The following ZNF354B variants were observed in gnomAD, a reference collection of about 807,000 sequenced individuals.
ZNF354B encodes zinc finger protein 354B.
In ZNF354B, 10 loss-of-function variants were observed where a neutral mutation model predicts 12.9. The observed-to-expected ratio is 0.77, with a 90% CI of 0.48 to 1.31. The LOEUF (loss-of-function observed/expected upper bound fraction) is 1.31, where lower values mean the gene tolerates loss of function less well. Among genes scored for constraint, ZNF354B ranks in the 40% most tolerant of loss-of-function variants. The pLI is 0.00. For synonymous variants in ZNF354B, 260 were observed against 243.7 expected (o/e 1.07, Z -0.62); for missense variants, 614 against 711.7 (o/e 0.86, Z 1.56).
At chr5:178,869,540 GAA>G (rs1004790444) in intron 4 of ZNF354B, among the ~76,000 whole-genome samples, 1 of 152,178 alleles carries the variant, frequency 6.6e-6, no homozygotes, top group Non-Finnish European at 1.5e-5. Flanking sequence ...CAGGAAGAAA[GAA>G]AGAGTTGTTC....
At chr5:178,866,786 C>T (rs777511357) in intron 3 of ZNF354B, among the ~76,000 whole-genome samples, 190 bp from the exon 4 acceptor site, 11 of 152,088 alleles carry the variant, frequency 7.2e-5, no homozygotes, top group African/African-American at 1.9e-4. Flanking sequence ...GGGAATCATA[C>T]GATGTTTTCT....
intron 4 of ZNF354B, among the ~76,000 whole-genome samples, chr5:178,869,912 G>A (rs1000492876): frequency 6.6e-6 from 1 of 152,154 alleles, no homozygotes; most frequent in African/African-American, 2.4e-5. Context: ...GATTGCCCCA[G>A]GACAGCTTCC....
At chr5:178,864,703 A>G (rs1333137065) in intron 2 of ZNF354B, among the ~76,000 whole-genome samples, 1 of 151,802 alleles carries the variant, frequency 6.6e-6, no homozygotes, top group Non-Finnish European at 1.5e-5. Context: ...GCTCACTGCA[A>G]GTTCCGCCTC....
chr5:178,876,309 C>T (rs1364681019), intron 4 of ZNF354B, among the ~76,000 whole-genome samples: 2 of 152,206 alleles, frequency 1.3e-5, no homozygotes, highest in Non-Finnish European at 2.9e-5. Context: ...TTTTGTGAGG[C>T]AGCTGTGCAC....
At chr5:178,863,734 G>A (rs1377727518) in intron 2 of ZNF354B, among the ~76,000 whole-genome samples, 23 of 152,184 alleles carry the variant, frequency 1.5e-4, no homozygotes. Flanking sequence ...ACAGCTGCAT[G>A]TGTGTCATTG....
intron 2 of ZNF354B, among the ~76,000 whole-genome samples, chr5:178,864,426 T>C (rs1257271362): frequency 1.3e-5 from 2 of 152,126 alleles, no homozygotes; most frequent in South Asian, 2.1e-4. Flanking sequence ...GTTTCTCTCT[T>C]ATATTCCCAT....
At chr5:178,865,317 G>T (rs1757430046) in intron 2 of ZNF354B, among the ~76,000 whole-genome samples, 1 of 152,082 alleles carries the variant, frequency 6.6e-6, no homozygotes, top group Non-Finnish European at 1.5e-5. Context: ...TTCCAGGCTG[G>T]AGTGCAGTGG....
At chr5:178,864,548 C>G (rs1388145255) in intron 2 of ZNF354B, among the ~76,000 whole-genome samples, 1 of 152,160 alleles carries the variant, frequency 6.6e-6, no homozygotes, top group Non-Finnish European at 1.5e-5. Flanking sequence ...TAAAATCACC[C>G]TTAACCCCAC....
chr5:178,877,269 A>C (rs1358440486), intron 4 of ZNF354B, among the ~76,000 whole-genome samples: 1 of 152,210 alleles, frequency 6.6e-6, no homozygotes, highest in East Asian at 1.9e-4. Flanking sequence ...TTTTGGGTTT[A>C]AGCGATTCTT....
At chr5:178,862,657 C>T (rs888719775) in intron 2 of ZNF354B, among the ~76,000 whole-genome samples, 17 of 152,204 alleles carry the variant, frequency 1.1e-4, no homozygotes, top group Admixed American at 2.6e-4. Flanking sequence ...TGTGAGCCGC[C>T]GCGCCTGGCG....
chr5:178,871,812 G>A (rs760990891), intron 4 of ZNF354B, among the ~76,000 whole-genome samples: 2 of 152,152 alleles, frequency 1.3e-5, no homozygotes, highest in Non-Finnish European at 2.9e-5. Flanking sequence ...TGGGATGGCC[G>A]GTGTCATTCA....
Position 178,883,372 on chromosome 5 carries a change from T to G in ZNF354B, c.920T>G (p.Phe307Cys), listed in dbSNP as rs1757751489. 1 of 1,613,966 alleles carries G rather than the reference T, an allele frequency of 6.2e-7. No individual in the cohort carries two copies. Among genetic ancestry groups the G allele is most frequent in the Admixed American group, 1.7e-5 (1 of 60,000 alleles). Residue 307 changes from phenylalanine (F) to cysteine (C), a missense_variant, in exon 5 of 5, where the codon TTC (phenylalanine) becomes TGC (cysteine). Coordinates refer to ENST00000322434, the MANE Select transcript of ZNF354B (RefSeq NM_058230.3). ...CYRCKECGKS[F>C]SRRSGLFIHQ... is the part of the protein sequence containing the mutation. ...AGATGTAAAGAATGTGGTAAATCCT[T>G]CAGTCGAAGGTCTGGGCTTTTTATA...
chr5:178,870,759 A>T (rs1181077534), intron 4 of ZNF354B, among the ~76,000 whole-genome samples: 1 of 152,124 alleles, frequency 6.6e-6, no homozygotes, highest in Non-Finnish European at 1.5e-5. Flanking sequence ...CATGGCCTGG[A>T]ATGTTTTAAA....
At chr5:178,879,360 C>A (rs150853233) in intron 4 of ZNF354B, among the ~76,000 whole-genome samples, 99 of 149,600 alleles carry the variant, frequency 6.6e-4, no homozygotes, top group Admixed American at 1.5e-3. Flanking sequence ...GTGCTGATTT[C>A]TTTGCAGAAA....
In ZNF354B at chr5:178,866,910, C is replaced by G. The variant is rs1005497842; in HGVS notation, c.161-66C>G. On this transcript the variant is annotated intron_variant, in intron 3 of 4. Coordinates refer to ENST00000322434, the MANE Select transcript of ZNF354B (RefSeq NM_058230.3). ...GAAAAGCCACGGTTACCCTAATAATCAAGGGATACTTTGTTGTGTCAAAAC... is the reference window on the plus strand; with the variant it reads ...GAAAAGCCACGGTTACCCTAATAATGAAGGGATACTTTGTTGTGTCAAAAC... 6 of 1,493,454 alleles carry G rather than the reference C, an allele frequency of 4.0e-6. No individual in the cohort carries two copies. The African/African-American group carries it at 7.0e-5, about 17-fold the overall frequency. The allele number at this position is 1,493,454 out of a possible 1,614,324, so 92.5% of individuals were successfully genotyped here. A position where few individuals can be genotyped will look rare whatever the true frequency, so the allele number is the denominator to read the frequency against.
rs768014242 is a variant in ZNF354B at position 178,883,337 on chromosome 5, G to T, written c.885G>T (p.Glu295Asp). The change falls in exon 5 of 5, where the codon GAG becomes GAT. Residue 295 changes from glutamate (E) to aspartate (D), a missense_variant. Coordinates refer to ENST00000322434, the MANE Select transcript of ZNF354B (RefSeq NM_058230.3). ...AGCATTTAAGGACCCATACTGTGGAGAAATGCTATAGATGTAAAGAATGTG... is the reference window on the plus strand; with the variant it reads ...AGCATTTAAGGACCCATACTGTGGATAAATGCTATAGATGTAAAGAATGTG... Reference protein sequence around the residue: ...LCKHLRTHTVEKCYRCKECGK... With the variant: ...LCKHLRTHTVDKCYRCKECGK... 1 of 1,614,014 alleles carries T rather than the reference G, an allele frequency of 6.2e-7. No individual in the cohort carries two copies. Among genetic ancestry groups the T allele is most frequent in the African/African-American group, 1.3e-5 (1 of 75,006 alleles).
chr5:178,872,114 G>C (rs977708853), intron 4 of ZNF354B, among the ~76,000 whole-genome samples: 8 of 152,124 alleles, frequency 5.3e-5, no homozygotes, highest in African/African-American at 1.9e-4. Flanking sequence ...ACACACACCT[G>C]TTTCCCTCTT....
At chr5:178,869,125 T>C (rs1757515223) in intron 4 of ZNF354B, among the ~76,000 whole-genome samples, 1 of 152,192 alleles carries the variant, frequency 6.6e-6, no homozygotes, top group African/African-American at 2.4e-5. Flanking sequence ...GAGCCATAAG[T>C]AGCCCAGGGC....
At chr5:178,863,595 A>G (rs946720359) in intron 2 of ZNF354B, among the ~76,000 whole-genome samples, 4 of 152,166 alleles carry the variant, frequency 2.6e-5, no homozygotes, top group Non-Finnish European at 5.9e-5. Context: ...TGGGTTATAT[A>G]TTTATTGTAC....
Sources: gnomAD v4.1 joint callset for allele counts (sites outside exome capture counted in the v4.1 genomes callset) on GRCh38, gnomAD v4.1.1 for gene constraint, MANE v1.5 for transcripts, NCBI Gene and HGNC (gene_info 2026-07-23, HGNC 2026-07-21) for gene names.